HDGFL3: variants seen among roughly 807,000 people sequenced by gnomAD.
HDGFL3 encodes HDGF like 3.
A neutral mutation model predicts 27.6 loss-of-function variants in HDGFL3; 6 were observed. The observed-to-expected ratio is 0.22, with a 90% CI of 0.12 to 0.43. HDGFL3 has a LOEUF of 0.43. Ranked by LOEUF, HDGFL3 falls within the 20% of genes least tolerant of loss-of-function variation. The pLI, the probability that HDGFL3 is intolerant of heterozygous loss-of-function variation, is 1.00. For synonymous variants in HDGFL3, 88 were observed against 88.9 expected, an observed-to-expected ratio of 0.99 and a Z score of 0.05; for missense variants, 207 against 250.1, an observed-to-expected ratio of 0.83 and a Z score of 1.16.
intron 1 of HDGFL3, among the ~76,000 whole-genome samples, chr15:83,176,397 T>C (rs2037311547): frequency 6.6e-6 from 1 of 152,238 alleles, no homozygotes; most frequent in Non-Finnish European, 1.5e-5. Flanking sequence ...GAATTTTGAA[T>C]ACTTAAAATG....
At chr15:83,203,454 T>G (rs566081177) in intron 1 of HDGFL3, among the ~76,000 whole-genome samples, 5 of 152,024 alleles carry the variant, frequency 3.3e-5, no homozygotes, top group South Asian at 2.1e-4. Flanking sequence ...TTATGGAATA[T>G]CTACTTCTAA....
At chr15:83,196,974 T>C (rs930470078) in intron 1 of HDGFL3, among the ~76,000 whole-genome samples, 2 of 152,234 alleles carry the variant, frequency 1.3e-5, no homozygotes, top group African/African-American at 4.8e-5. Flanking sequence ...ACCTAGGGCA[T>C]GCCCACTCTT....
rs1376870726 is a variant in HDGFL3 at position 83,131,779 on chromosome 15, G to A, written c.*7491C>T. 6.6e-6 allele frequency: 1 copy of A among 152,166 alleles called. No homozygotes were observed. The highest frequency in any genetic ancestry group is 1.5e-5 in the Non-Finnish European group (1 of 68,030). The allele number at this position is 152,166 out of a possible 1,614,324, so 9.4% of individuals were successfully genotyped here. ...TAAAATGAAACCAGGACACATTTTA[G>A]ACCAAAGAGTTCCACTGGGGACTTA... On this transcript the variant is annotated 3_prime_UTR_variant, in exon 6 of 6. Coordinates refer to ENST00000299633, the MANE Select transcript of HDGFL3 (RefSeq NM_016073.4).
chr15:83,117,690 A>G (rs1361044049), intron 3 of HDGFL3, among the ~76,000 whole-genome samples: 1 of 152,094 alleles, frequency 6.6e-6, no homozygotes, highest in East Asian at 1.9e-4. Flanking sequence ...CAAGGTCTGC[A>G]GGGCCAGGCT....
intron 1 of HDGFL3, among the ~76,000 whole-genome samples, chr15:83,187,466 T>C (rs1355614293): frequency 6.6e-6 from 1 of 152,178 alleles, no homozygotes; most frequent in Non-Finnish European, 1.5e-5. Context: ...TTGCAGTCAA[T>C]TGCCATAAAT....
At chr15:83,192,546 A>G (rs1037578221) in intron 1 of HDGFL3, among the ~76,000 whole-genome samples, 1 of 152,212 alleles carries the variant, frequency 6.6e-6, no homozygotes, top group African/African-American at 2.4e-5. Context: ...TAATTGTAAT[A>G]TTTCCATAAG....
chr15:83,143,728 G>GT (rs2036831519), intron 5 of HDGFL3, among the ~76,000 whole-genome samples: 2 of 152,170 alleles, frequency 1.3e-5, no homozygotes, highest in Admixed American at 1.3e-4. Context: ...ACTTAATCTT[G>GT]TGGGGCACTG....
intron 1 of HDGFL3, among the ~76,000 whole-genome samples, chr15:83,191,743 A>G (rs962531603): frequency 2.0e-5 from 3 of 152,086 alleles, no homozygotes; most frequent in Non-Finnish European, 2.9e-5. Flanking sequence ...TTTCAGTAAC[A>G]TTGATTCTTC....
chr15:83,157,369 T>C, intron 4 of HDGFL3, 46 bp downstream of exon 4: 1 of 1,524,546 alleles, frequency 6.6e-7, no homozygotes, highest in South Asian at 1.1e-5. Context: ...AAATGTTTAA[T>C]GGATATGCAT....
exon 4 of HDGFL3, chr15:83,115,735 G>T: frequency 1.3e-6 from 1 of 787,836 alleles, no homozygotes. Context: ...ATTGTCCACA[G>T]CATCTTCTGG....
chr15:83,155,319 T>C (rs1393623828), intron 4 of HDGFL3, among the ~76,000 whole-genome samples: 1 of 152,208 alleles, frequency 6.6e-6, no homozygotes, highest in East Asian at 1.9e-4. Context: ...CCCCATTACT[T>C]TTGGTCTTTG....
chr15:83,119,592 G>C (rs1233766728), intron 3 of HDGFL3: 1 of 1,613,994 alleles, frequency 6.2e-7, no homozygotes, highest in Admixed American at 1.7e-5. Flanking sequence ...AACCGTATCT[G>C]AACACCGCAT....
In HDGFL3 at chr15:83,131,084, CCT is replaced by C. The variant is rs1252505696; in HGVS notation, c.*8184_*8185del. Reference sequence around the variant, plus strand: ...TCCAGCCCAGGTGACAGAGAGAGACCCTGTCTCTCCCACCACCACAAAAAAAC... The same window carrying C: ...TCCAGCCCAGGTGACAGAGAGAGACCGTCTCTCCCACCACCACAAAAAAAC... On this transcript the variant is annotated 3_prime_UTR_variant, in exon 6 of 6. Transcript: ENST00000299633. The C allele has an allele frequency of 6.6e-6, 1 of 151,524 alleles. No homozygotes were observed. Among genetic ancestry groups the C allele is most frequent in the African/African-American group, 2.4e-5 (1 of 41,306 alleles). 9.4% of individuals were successfully genotyped at this position (151,524 alleles called of 1,614,324 possible). A position where few individuals can be genotyped will look rare whatever the true frequency, so the allele number is the denominator to read the frequency against.
intron 1 of HDGFL3, among the ~76,000 whole-genome samples, chr15:83,167,017 A>G (rs893470527): frequency 3.3e-5 from 5 of 152,222 alleles, no homozygotes; most frequent in African/African-American, 7.2e-5. Flanking sequence ...AAAACCTTGC[A>G]TATCAATAGC....
chr15:83,173,176 AT>A (rs2037267500), intron 1 of HDGFL3, among the ~76,000 whole-genome samples: 1 of 152,178 alleles, frequency 6.6e-6, no homozygotes, highest in African/African-American at 2.4e-5. Flanking sequence ...TTGACTTAAA[AT>A]TTTTCAACTT....
At chr15:83,115,056 A>C (rs747697588) in exon 4 of HDGFL3, 1 of 152,962 alleles carries the variant, frequency 6.5e-6, no homozygotes, top group Non-Finnish European at 1.5e-5. Flanking sequence ...GGGTAACCAC[A>C]CTGGACACGC....
intron 3 of HDGFL3, chr15:83,115,841 C>T: frequency 6.2e-7 from 1 of 1,609,558 alleles, no homozygotes; most frequent in Non-Finnish European, 8.5e-7. Context: ...TTTCTTTGCT[C>T]TAGTGTATGC....
In HDGFL3 at chr15:83,157,217, G is replaced by C. The variant is rs1160267207; in HGVS notation, c.459+198C>G. 3 of 606,010 alleles carry C rather than the reference G, an allele frequency of 5.0e-6. No homozygotes were observed. The African/African-American group carries it at 5.6e-5, about 11-fold the overall frequency. 37.5% of individuals were successfully genotyped at this position (606,010 alleles called of 1,614,324 possible). A position where few individuals can be genotyped will look rare whatever the true frequency, so the allele number is the denominator to read the frequency against. ...AGGTGGTATTTTCAGGGCCAAATCA[G>C]CCCTAAAGAGTCAATAGTCAGATTG... On this transcript the variant is annotated intron_variant, in intron 4 of 5. Coordinates refer to ENST00000299633, the MANE Select transcript of HDGFL3 (RefSeq NM_016073.4).
chr15:83,126,779 C>T (rs2035789010), downstream of HDGFL3: 2 of 1,613,468 alleles, frequency 1.2e-6, no homozygotes, highest in South Asian at 1.1e-5. Context: ...CCCATCTGAG[C>T]TCTGCCGATT....
Sources: gnomAD v4.1 joint callset for allele counts (sites outside exome capture counted in the v4.1 genomes callset) on GRCh38, gnomAD v4.1.1 for gene constraint, MANE v1.5 for transcripts, NCBI Gene and HGNC (gene_info 2026-07-23, HGNC 2026-07-21) for gene names.